The following TFDP2 variants were observed in gnomAD, a reference collection of about 807,000 sequenced individuals.
TFDP2 encodes transcription factor Dp-2 (E2F dimerization partner 2).
A neutral mutation model predicts 59.3 loss-of-function variants in TFDP2; 17 were observed. The ratio of observed to expected loss-of-function variants is 0.29; its 90% CI spans 0.20 to 0.43. The LOEUF is 0.43. Ranked by LOEUF, TFDP2 falls within the 20% of genes least tolerant of loss-of-function variation. The pLI, the probability that TFDP2 is intolerant of heterozygous loss-of-function variation, is 1.00. For synonymous variants in TFDP2, 180 were observed against 194.7 expected (o/e 0.92, Z 0.63); for missense variants, 391 against 528.8 (o/e 0.74, Z 2.56).
At chr3:141,974,246 C>T in intron 7 of TFDP2, 55 bp from the exon 8 acceptor site, 14 of 1,456,664 alleles carry the variant, frequency 9.6e-6, no homozygotes, top group Non-Finnish European at 1.3e-5. Context: ...GATACAGTCA[C>T]ATGATATGAA....
chr3:142,069,867 T>C (rs536953018), intron 3 of TFDP2, among the ~76,000 whole-genome samples: 64 of 151,210 alleles, frequency 4.2e-4, no homozygotes, highest in African/African-American at 1.4e-3. Flanking sequence ...CCTCAGCCTC[T>C]CAAAGTTCTG....
intron 1 of TFDP2, 124 bp from the exon 2 acceptor site, chr3:142,101,965 A>T (rs1393512495): frequency 4.9e-6 from 2 of 406,562 alleles, no homozygotes; most frequent in African/African-American, 4.0e-5. Context: ...TCACAACAAC[A>T]CTATGAGGTT....
At chr3:142,092,312 G>T (rs931508117) in intron 3 of TFDP2, among the ~76,000 whole-genome samples, 12 of 152,082 alleles carry the variant, frequency 7.9e-5, no homozygotes, top group African/African-American at 2.9e-4. Context: ...GTAAGTTCTT[G>T]TACTGGTGGG....
At chr3:142,108,367 G>A (rs558596587) in intron 1 of TFDP2, among the ~76,000 whole-genome samples, 20 of 151,984 alleles carry the variant, frequency 1.3e-4, no homozygotes, top group African/African-American at 2.9e-4. Context: ...CTGCCACCAC[G>A]CATGGCTAAT....
chr3:141,983,713 C>T (rs1290540368), intron 6 of TFDP2, among the ~76,000 whole-genome samples: 1 of 151,162 alleles, frequency 6.6e-6, no homozygotes, highest in Non-Finnish European at 1.5e-5. Flanking sequence ...AGATGCTCAA[C>T]GTCACTCATC....
chr3:141,959,829 A>C lies in TFDP2; in HGVS notation c.896T>G (p.Leu299Arg). 6.2e-7 allele frequency: 1 copy of C among 1,614,086 alleles called. No homozygotes were observed. Among genetic ancestry groups the C allele is most frequent in the Non-Finnish European group, 8.5e-7 (1 of 1,179,974 alleles). ...CTCAAAGGTGTTGTCAAAATTGAAA[A>C]GATACTCAAACCTGCATCAGGAAAC... The part of the protein sequence containing the change: ...CSISSDKFEY[L>R]FNFDNTFEIH... The change falls in exon 11 of 13, where the codon CTT becomes CGT. Residue 299 changes from leucine to arginine, a missense_variant. Around this residue, in one of 3 missense-constraint regions of TFDP2, gnomAD observed 223 missense variants for 292.5 expected, o/e 0.76. Coordinates refer to ENST00000489671, the MANE Select transcript of TFDP2 (RefSeq NM_001178139.2).
At chr3:142,056,599 A>G (rs1399783872) in intron 3 of TFDP2, among the ~76,000 whole-genome samples, 1 of 152,008 alleles carries the variant, frequency 6.6e-6, no homozygotes, top group Admixed American at 6.6e-5. Context: ...CCTTGGTGGG[A>G]GTGATGTTTA....
intron 9 of TFDP2, among the ~76,000 whole-genome samples, chr3:141,966,362 G>A (rs1315341629): frequency 4.6e-5 from 7 of 151,620 alleles, no homozygotes; most frequent in Non-Finnish European, 7.4e-5. Flanking sequence ...TAGTAGAGGC[G>A]GGGTTTTACC....
At chr3:142,063,351 C>A (rs1445082011) in intron 3 of TFDP2, among the ~76,000 whole-genome samples, 5 of 152,066 alleles carry the variant, frequency 3.3e-5, no homozygotes, top group South Asian at 2.1e-4. Flanking sequence ...TAAAATAATT[C>A]TTGTATATCA....
chr3:142,098,730 A>G (rs2061238590), intron 2 of TFDP2, among the ~76,000 whole-genome samples: 1 of 152,096 alleles, frequency 6.6e-6, no homozygotes, highest in African/African-American at 2.4e-5. Flanking sequence ...ACATAGCCAG[A>G]CTCCATCTCT....
intron 3 of TFDP2, among the ~76,000 whole-genome samples, chr3:142,088,613 CTTTT>C (rs112767886): frequency 8.1e-6 from 1 of 124,018 alleles, no homozygotes. Context: ...TTTTTTTTTT[CTTTT>C]TTTTTTTTTT....
chr3:142,012,692 T>C (rs1042817348), intron 3 of TFDP2, among the ~76,000 whole-genome samples: 2 of 152,206 alleles, frequency 1.3e-5, no homozygotes, highest in Non-Finnish European at 2.9e-5. Context: ...ATTTTTCATA[T>C]ATTTTTATAT....
intron 6 of TFDP2, among the ~76,000 whole-genome samples, chr3:141,980,561 GAGAA>G (rs985647249): frequency 6.6e-6 from 1 of 151,870 alleles, no homozygotes; most frequent in Non-Finnish European, 1.5e-5. Flanking sequence ...TGTTTGTTTT[GAGAA>G]AGAGTCTCAC....
intron 8 of TFDP2, among the ~76,000 whole-genome samples, chr3:141,973,149 T>C (rs1488387121): frequency 6.8e-6 from 1 of 146,240 alleles, no homozygotes; most frequent in Non-Finnish European, 1.5e-5. Flanking sequence ...GATGGAGTCT[T>C]GCTCTTGTCG....
chr3:141,953,185 A>G (rs1395668115), intron 11 of TFDP2, among the ~76,000 whole-genome samples, 169 bp from the exon 12 acceptor site: 2 of 152,148 alleles, frequency 1.3e-5, no homozygotes, highest in Non-Finnish European at 2.9e-5. Flanking sequence ...TCTTGGAAGA[A>G]AAAAAAATTT....
At chr3:142,069,254 T>G (rs1157899255) in intron 3 of TFDP2, among the ~76,000 whole-genome samples, 4 of 152,178 alleles carry the variant, frequency 2.6e-5, no homozygotes, top group Admixed American at 1.3e-4. Context: ...CATTCTATAT[T>G]TGTACATAGC....
chr3:142,013,061 C>T (rs530262115), intron 3 of TFDP2, among the ~76,000 whole-genome samples: 1 of 152,012 alleles, frequency 6.6e-6, no homozygotes, highest in Non-Finnish European at 1.5e-5. Context: ...CACTTGAACC[C>T]GGGAGGCGGA....
intron 1 of TFDP2, among the ~76,000 whole-genome samples, chr3:142,124,744 A>C (rs2062176390): frequency 6.6e-6 from 1 of 152,222 alleles, no homozygotes; most frequent in Non-Finnish European, 1.5e-5. Context: ...ACATTTAAAG[A>C]AAACATCACT....
intron 8 of TFDP2, among the ~76,000 whole-genome samples, chr3:141,970,987 G>A (rs1356868113): frequency 6.6e-6 from 1 of 151,808 alleles, no homozygotes; most frequent in Non-Finnish European, 1.5e-5. Flanking sequence ...GAACTTGGGA[G>A]GCAGAGATTG....
Sources: gnomAD v4.1 joint callset for allele counts (sites outside exome capture counted in the v4.1 genomes callset) on GRCh38, gnomAD v4.1.1 for gene constraint, gnomAD v4.1.1 regional missense constraint, MANE v1.5 for transcripts, NCBI Gene and HGNC (gene_info 2026-07-23, HGNC 2026-07-21) for gene names.